Variants in ZZZ3 observed in about 807,000 individuals in gnomAD.
The protein encoded by ZZZ3 is ZZ-type zinc finger-containing protein 3.
In ZZZ3, 22 loss-of-function variants were observed where a neutral mutation model predicts 95.2. That is an observed-to-expected ratio of 0.23 (90% confidence interval 0.17 to 0.33). The LOEUF (loss-of-function observed/expected upper bound fraction) is 0.33. Ranked by LOEUF, ZZZ3 falls within the 10% of genes least tolerant of loss-of-function variation. ZZZ3 has a pLI of 1.00. For missense variants in ZZZ3, 885 were observed against 1,066.5 expected (o/e 0.83, Z 2.37); for synonymous variants, 335 against 358.9 (o/e 0.93, Z 0.75).
chr1:77,679,340 C>T (rs548094700), intron 1 of ZZZ3, among the ~76,000 whole-genome samples: 2 of 152,290 alleles, frequency 1.3e-5, no homozygotes, highest in South Asian at 4.1e-4. Flanking sequence ...CTCACTCACT[C>T]TGTTGCCCAG....
At chr1:77,599,435 T>C (rs1054050854) in intron 5 of ZZZ3, among the ~76,000 whole-genome samples, 1 of 152,042 alleles carries the variant, frequency 6.6e-6, no homozygotes, top group Non-Finnish European at 1.5e-5. Context: ...ATTACCACTT[T>C]ACAGATGACA....
chr1:77,676,810 CA>C (rs989159905), intron 1 of ZZZ3, among the ~76,000 whole-genome samples: 3 of 151,560 alleles, frequency 2.0e-5, no homozygotes, highest in African/African-American at 7.3e-5. Flanking sequence ...TGAAGCATAA[CA>C]AAAAAATGAG....
At chr1:77,620,137 T>C (rs557248609) in intron 5 of ZZZ3, among the ~76,000 whole-genome samples, 3 of 152,126 alleles carry the variant, frequency 2.0e-5, no homozygotes, top group Non-Finnish European at 4.4e-5. Context: ...AGAAAGGCTT[T>C]GTAGAAGTAG....
intron 12 of ZZZ3, among the ~76,000 whole-genome samples, chr1:77,572,222 TCAA>T (rs928261276): frequency 6.6e-6 from 1 of 152,342 alleles, no homozygotes; most frequent in East Asian, 1.9e-4. Flanking sequence ...ATAAATAAAC[TCAA>T]CAACAACAAA....
In ZZZ3 at chr1:77,564,397, T is replaced by C. The variant is rs898646887; in HGVS notation, c.*1243A>G. 4.6e-5 allele frequency: 7 copies of C among 152,254 alleles called. No homozygotes were observed. Among genetic ancestry groups the C allele is most frequent in the African/African-American group, 1.7e-4 (7 of 41,444 alleles). 9.4% of individuals were successfully genotyped at this position (152,254 alleles called of 1,614,324 possible). Reference sequence around the variant, plus strand: ...TTCATAAATGACAGAAAGAAAACTCTTAAATATGTGAAGCAAACCATTTTA... The same window carrying C: ...TTCATAAATGACAGAAAGAAAACTCCTAAATATGTGAAGCAAACCATTTTA... On this transcript the variant is annotated 3_prime_UTR_variant, in exon 15 of 15. Coordinates refer to ENST00000370801, the MANE Select transcript of ZZZ3 (RefSeq NM_015534.6).
chr1:77,582,257 A>G (rs999835218), intron 6 of ZZZ3, 131 bp from the exon 7 acceptor site: 3 of 708,912 alleles, frequency 4.2e-6, no homozygotes, highest in Non-Finnish European at 6.5e-6. Flanking sequence ...TCATGTTTAA[A>G]TCCAAGAGAC....
At chr1:77,667,520 C>A (rs1671344978) in intron 1 of ZZZ3, among the ~76,000 whole-genome samples, 2 of 152,002 alleles carry the variant, frequency 1.3e-5, no homozygotes, top group Non-Finnish European at 2.9e-5. Context: ...TTTTATTGTC[C>A]TTAAGCATTT....
chr1:77,650,399 T>C (rs912526635), intron 1 of ZZZ3, among the ~76,000 whole-genome samples: 3 of 152,096 alleles, frequency 2.0e-5, no homozygotes, highest in Non-Finnish European at 4.4e-5. Flanking sequence ...ATTAAAAGAT[T>C]CAAGTCATTT....
chr1:77,571,895 T>G (rs1411919443), intron 12 of ZZZ3, among the ~76,000 whole-genome samples: 1 of 152,228 alleles, frequency 6.6e-6, no homozygotes, highest in Non-Finnish European at 1.5e-5. Flanking sequence ...CTGTATACTA[T>G]AAAAATGGTG....
intron 6 of ZZZ3, among the ~76,000 whole-genome samples, chr1:77,583,547 A>C (rs1662749961): frequency 6.6e-6 from 1 of 152,194 alleles, no homozygotes; most frequent in South Asian, 2.1e-4. Context: ...CATGAAGAGA[A>C]AGAAATGTTT....
At chr1:77,627,956 T>C (rs184978618) in intron 5 of ZZZ3, among the ~76,000 whole-genome samples, 12 of 152,354 alleles carry the variant, frequency 7.9e-5, no homozygotes, top group African/African-American at 2.6e-4. Context: ...CAGAGGCAGC[T>C]GACCAAAGCA....
intron 5 of ZZZ3, among the ~76,000 whole-genome samples, chr1:77,622,948 T>C (rs928761391): frequency 3.9e-5 from 6 of 152,212 alleles, no homozygotes; most frequent in Non-Finnish European, 8.8e-5. Flanking sequence ...TTGAGTATTA[T>C]AGGAAGAAAA....
intron 1 of ZZZ3, among the ~76,000 whole-genome samples, chr1:77,679,721 C>A (rs532106872): frequency 2.6e-5 from 4 of 152,172 alleles, no homozygotes; most frequent in Non-Finnish European, 4.4e-5. Flanking sequence ...AGTTCATTAG[C>A]TCTCATCATT....
chr1:77,629,053 G>C (rs1170266048), intron 5 of ZZZ3, among the ~76,000 whole-genome samples: 4 of 152,136 alleles, frequency 2.6e-5, no homozygotes, highest in Non-Finnish European at 5.9e-5. Context: ...ATTTACTTGA[G>C]ACTTGAAAGC....
upstream of ZZZ3, among the ~76,000 whole-genome samples, chr1:77,682,924 T>C (rs1044404976): frequency 1.3e-5 from 2 of 152,200 alleles, no homozygotes; most frequent in African/African-American, 2.4e-5. Flanking sequence ...CAGAGCGCAG[T>C]GCGCTGCCCC....
At chr1:77,623,126 T>G (rs1165005976) in intron 5 of ZZZ3, among the ~76,000 whole-genome samples, 1 of 152,208 alleles carries the variant, frequency 6.6e-6, no homozygotes, top group Non-Finnish European at 1.5e-5. Context: ...AACTGTGATC[T>G]GTGAGAGAAG....
intron 5 of ZZZ3, among the ~76,000 whole-genome samples, chr1:77,612,815 A>C (rs1426396973): frequency 6.6e-6 from 1 of 151,994 alleles, no homozygotes; most frequent in Non-Finnish European, 1.5e-5. Context: ...ATGAGGAGAC[A>C]TAGGTCAAAG....
chr1:77,654,325 C>T (rs1413483433), intron 1 of ZZZ3, among the ~76,000 whole-genome samples: 4 of 151,856 alleles, frequency 2.6e-5, no homozygotes, highest in Non-Finnish European at 5.9e-5. Flanking sequence ...CCTAATTCTA[C>T]CCAAACTCTT....
chr1:77,678,097 A>C (rs993276359), intron 1 of ZZZ3, among the ~76,000 whole-genome samples: 4 of 152,152 alleles, frequency 2.6e-5, no homozygotes, highest in African/African-American at 4.8e-5. Context: ...GGGCTAATAG[A>C]CTCAATACCA....
Sources: gnomAD v4.1 joint callset for allele counts (sites outside exome capture counted in the v4.1 genomes callset) on GRCh38, gnomAD v4.1.1 for gene constraint, MANE v1.5 for transcripts, NCBI Gene and HGNC (gene_info 2026-07-23, HGNC 2026-07-21) for gene names.